PPP2R5C: variants seen among roughly 807,000 people sequenced by gnomAD.
PPP2R5C encodes serine/threonine-protein phosphatase 2A 56 kDa regulatory subunit gamma isoform.
A neutral mutation model predicts 68.9 loss-of-function variants in PPP2R5C; 7 were observed. That is an observed-to-expected ratio of 0.10 (90% CI 0.06 to 0.19). The LOEUF (loss-of-function observed/expected upper bound fraction) is 0.19. Ranked by LOEUF, PPP2R5C falls within the 10% of genes least tolerant of loss-of-function variation. The pLI, the probability that PPP2R5C is intolerant of heterozygous loss-of-function variation, is 1.00. For missense variants in PPP2R5C, 348 were observed against 641.3 expected, an observed-to-expected ratio of 0.54 and a Z score of 4.94; for synonymous variants, 210 against 222.2, an observed-to-expected ratio of 0.95 and a Z score of 0.49.
chr14:101,770,634 C>T (rs1447690251), intron 2 of PPP2R5C, among the ~76,000 whole-genome samples: 2 of 152,228 alleles, frequency 1.3e-5, no homozygotes, highest in Non-Finnish European at 2.9e-5. Flanking sequence ...ATAAGATCAG[C>T]ATTCCTCTCC....
intron 1 of PPP2R5C, among the ~76,000 whole-genome samples, chr14:101,841,732 G>C (rs565846492): frequency 1.1e-4 from 16 of 152,220 alleles, no homozygotes; most frequent in Non-Finnish European, 2.1e-4. Flanking sequence ...GGAGGCAGGG[G>C]AGGGGAGCAC....
chr14:101,925,058 A>T, intron 13 of PPP2R5C, 83 bp from the exon 16 acceptor site: 3 of 1,513,856 alleles, frequency 2.0e-6, no homozygotes, highest in Admixed American at 1.7e-5. Context: ...CCTCGCGGTT[A>T]TCCTTTGACT....
At chr14:101,785,185 A>T (rs2038035667) in intron 2 of PPP2R5C, among the ~76,000 whole-genome samples, 1 of 152,100 alleles carries the variant, frequency 6.6e-6, no homozygotes, top group Non-Finnish European at 1.5e-5. Context: ...AGGCACTCAG[A>T]TGGCCTGCTT....
Position 101,915,187 on chromosome 14 carries a change from C to T in PPP2R5C, c.1327-2644C>T, listed in dbSNP as rs1222450863. On this transcript the variant is annotated intron_variant, in intron 12 of 13. Coordinates refer to ENST00000334743, the Ensembl canonical transcript of PPP2R5C. This position sits in a 1 kb window ranked among gnomAD's most constrained non-coding sequence, Gnocchi z 4.2. ...CGCCTCCCAGGTTCAAGCAGTCCTC[C>T]GGAGTGCCTCAGCCTCCCAAGTATG... Among the ~76,000 whole-genome samples the T allele has an allele frequency of 3.9e-5, 6 of 152,258 alleles. No individual in the cohort carries two copies. Among genetic ancestry groups the T allele is most frequent in the Admixed American group, 2.0e-4 (3 of 15,298 alleles).
At position 101,818,915 on chromosome 14, in the gene PPP2R5C, T is replaced by C; in HGVS notation, c.94+8879T>C. 4 of 1,150,470 alleles carry C rather than the reference T, an allele frequency of 3.5e-6. No homozygotes were observed. The East Asian group carries it at 1.0e-4, about 30-fold the overall frequency. The allele number at this position is 1,150,470 out of a possible 1,614,324, so 71.3% of individuals were successfully genotyped here. ...TACACATGGATTTTTGTCTGCTGGT[T>C]GTGTTACTCATGAGCAATGTGTTCT... On this transcript the variant is annotated intron_variant, in intron 1 of 13. Transcript: ENST00000334743.
intron 2 of PPP2R5C, among the ~76,000 whole-genome samples, chr14:101,782,205 C>A (rs1167463568): frequency 4.8e-5 from 1 of 20,646 alleles, no homozygotes; most frequent in African/African-American, 2.5e-4. Flanking sequence ...TTCTCTCTCC[C>A]CCTCCCCCTC....
chr14:101,819,226 T>A (rs1338431728), intron 1 of PPP2R5C: 1 of 698,578 alleles, frequency 1.4e-6, no homozygotes, highest in Non-Finnish European at 2.4e-6. Context: ...GGGGTAGCAC[T>A]TGATAATCGC....
At chr14:101,857,613 T>C (rs1566912173) in intron 2 of PPP2R5C, among the ~76,000 whole-genome samples, 7 of 152,250 alleles carry the variant, frequency 4.6e-5, no homozygotes, top group Admixed American at 4.6e-4. Flanking sequence ...GTGTCAAACT[T>C]TACAGCCCAT....
intron 2 of PPP2R5C, 62 bp from the exon 3 acceptor site, chr14:101,785,956 T>C: frequency 7.1e-7 from 1 of 1,403,226 alleles, no homozygotes; most frequent in Non-Finnish European, 9.5e-7. Context: ...TTCTATATTT[T>C]AATAGTGCTA....
intron 1 of PPP2R5C, among the ~76,000 whole-genome samples, 179 bp from the exon 4 acceptor site, chr14:101,856,507 C>T: frequency 6.6e-6 from 1 of 152,120 alleles, no homozygotes. Context: ...ATATGACCAG[C>T]GACTAGCTGG....
At position 101,797,104 on chromosome 14, in the gene PPP2R5C, T is replaced by C; in HGVS notation, c.259+10921T>C. On this transcript the variant is annotated intron_variant, in intron 3 of 14. Coordinates refer to the PPP2R5C transcript ENST00000328724. The surrounding 1 kb of genome is among the most constrained non-coding windows in gnomAD (Gnocchi z 4.2). ...GTAAGTGGCTGTCTCCCCATTCTGC[T>C]TTCTGTCTCTATGATTTTGCCCACA... is the stretch of plus-strand genomic sequence containing the variant. The C allele has an allele frequency of 2.2e-6, 1 of 454,204 alleles. No homozygotes were observed. The highest frequency in any genetic ancestry group is 1.5e-5 in the South Asian group (1 of 64,532). The allele number at this position is 454,204 out of a possible 1,614,324, so 28.1% of individuals were successfully genotyped here. A position where few individuals can be genotyped will look rare whatever the true frequency, so the allele number is the denominator to read the frequency against.
chr14:101,892,395 G>T (rs2474671), intron 6 of PPP2R5C, among the ~76,000 whole-genome samples: 1 of 136,908 alleles, frequency 7.3e-6, no homozygotes, highest in Non-Finnish European at 1.6e-5. Context: ...GGTGGGGGGT[G>T]GGGGGGGTCC....
At chr14:101,824,404 A>G (rs181744660) in intron 1 of PPP2R5C, 1 of 220,600 alleles carries the variant, frequency 4.5e-6, no homozygotes, top group East Asian at 1.1e-4. Flanking sequence ...AGTGATGTTT[A>G]CAATGTAGTG....
chr14:101,894,523 T>C, exon 8 of PPP2R5C: 1 of 1,614,050 alleles, frequency 6.2e-7, no homozygotes, highest in Non-Finnish European at 8.5e-7. Flanking sequence ...TACTGTGTAG[T>C]GCAGTTTTTA....
chr14:101,791,392 G>C (rs2038358282), intron 3 of PPP2R5C, among the ~76,000 whole-genome samples: 1 of 152,000 alleles, frequency 6.6e-6, no homozygotes, highest in African/African-American at 2.4e-5. Flanking sequence ...TTGTTGAATT[G>C]TAACAGTATG....
intron 8 of PPP2R5C, among the ~76,000 whole-genome samples, 170 bp downstream of exon 10, chr14:101,894,730 C>A (rs998804923): frequency 6.6e-6 from 1 of 152,156 alleles, no homozygotes; most frequent in African/African-American, 2.4e-5. Context: ...AAAGTATAGT[C>A]ATTTTAATTG....
Position 101,917,277 on chromosome 14 carries a change from G to A in PPP2R5C, c.1327-554G>A, listed in dbSNP as rs1043527197. ...GGAGCGTCAGGCTCACCCAGGCTGC[G>A]TTTGTTTTGGTGGAGAGCAAGTCAC... On this transcript the variant is annotated intron_variant, in intron 12 of 13. Transcript: ENST00000334743. This position sits in a 1 kb window ranked among gnomAD's most constrained non-coding sequence, Gnocchi z 4.4. Among the ~76,000 whole-genome samples the A allele has an allele frequency of 2.6e-5, 4 of 152,308 alleles. No individual in the cohort carries two copies. Among genetic ancestry groups the A allele is most frequent in the Admixed American group, 6.5e-5 (1 of 15,310 alleles).
At chr14:101,806,000 G>A (rs1292964737), upstream of PPP2R5C, among the ~76,000 whole-genome samples, 1 of 152,212 alleles carries the variant, frequency 6.6e-6, no homozygotes, top group Non-Finnish European at 1.5e-5. Flanking sequence ...AAGACACTGT[G>A]AATGTGCTTA....
At chr14:101,885,147 G>A (rs1440195786) in intron 5 of PPP2R5C, among the ~76,000 whole-genome samples, 3 of 152,212 alleles carry the variant, frequency 2.0e-5, no homozygotes, top group Non-Finnish European at 4.4e-5. Flanking sequence ...GCCAGGGTGT[G>A]GACAGAGCAC....
Sources: allele counts gnomAD v4.1 joint callset (sites outside exome capture counted in the v4.1 genomes callset), GRCh38; gene constraint gnomAD v4.1.1; non-coding constraint Gnocchi (gnomAD v3.1); transcripts MANE v1.5; gene names NCBI Gene and HGNC (gene_info 2026-07-23, HGNC 2026-07-21).